HPCAL1: variants seen among roughly 807,000 people sequenced by gnomAD.
HPCAL1 encodes hippocalcin-like protein 1.
In HPCAL1, 8 loss-of-function variants were observed where a neutral mutation model predicts 17.1. That is an observed-to-expected ratio of 0.47 (90% confidence interval 0.27 to 0.84). The LOEUF is 0.84. HPCAL1 is among the 40% of genes least tolerant of loss of function. The probability of loss-of-function intolerance (pLI) is 0.13; values close to 1 mark genes in which losing one functional copy is unlikely to be tolerated. For synonymous variants in HPCAL1, 112 were observed against 111.4 expected (o/e 1.01, Z -0.03); for missense variants, 165 against 271.1 (o/e 0.61, Z 2.75).
intron 3 of HPCAL1, among the ~76,000 whole-genome samples, chr2:10,422,537 G>A (rs535527381): frequency 9.8e-5 from 15 of 152,288 alleles, no homozygotes; most frequent in African/African-American, 2.4e-4. Context: ...CTGTCCTGTC[G>A]GGGCTGGTGA....
chr2:10,425,074 T>A (rs1671319502), intron 4 of HPCAL1: 1 of 173,984 alleles, frequency 5.7e-6, no homozygotes, highest in Non-Finnish European at 1.2e-5. Context: ...GCCCTCAGAG[T>A]CGTCCTGGGG....
intron 1 of HPCAL1, among the ~76,000 whole-genome samples, chr2:10,314,874 G>A (rs1314693525): frequency 6.6e-6 from 1 of 152,046 alleles, no homozygotes; most frequent in Non-Finnish European, 1.5e-5. Flanking sequence ...GCACATTAGC[G>A]GTAATAAGAT....
intron 1 of HPCAL1, among the ~76,000 whole-genome samples, chr2:10,347,117 C>T (rs955446222): frequency 3.9e-5 from 6 of 152,162 alleles, no homozygotes; most frequent in Non-Finnish European, 7.4e-5. Flanking sequence ...CCCCGCCCCC[C>T]GCAGGTGCTG....
At chr2:10,415,603 C>T (rs906831436) in intron 2 of HPCAL1, among the ~76,000 whole-genome samples, 2 of 152,074 alleles carry the variant, frequency 1.3e-5, no homozygotes, top group Non-Finnish European at 2.9e-5. Context: ...CCCTCTGACA[C>T]ACAGGAAGTT....
intron 2 of HPCAL1, among the ~76,000 whole-genome samples, chr2:10,401,525 C>T (rs917598114): frequency 3.3e-5 from 5 of 151,880 alleles, no homozygotes; most frequent in South Asian, 4.2e-4. Context: ...CAGACAGTGC[C>T]GCGGTGGCCG....
chr2:10,348,684 T>G (rs1436098593), intron 1 of HPCAL1, among the ~76,000 whole-genome samples: 1 of 150,566 alleles, frequency 6.6e-6, no homozygotes, highest in Non-Finnish European at 1.5e-5. Flanking sequence ...GAGGCTGAGG[T>G]GGGAAGATCA....
At chr2:10,399,434 C>T (rs1669383245) in intron 2 of HPCAL1, among the ~76,000 whole-genome samples, 2 of 139,550 alleles carry the variant, frequency 1.4e-5, no homozygotes, top group African/African-American at 2.7e-5. Flanking sequence ...TCACCACCAC[C>T]ACCACCATCA....
intron 1 of HPCAL1, among the ~76,000 whole-genome samples, chr2:10,337,157 AC>A (rs770624868): frequency 1.6e-4 from 25 of 152,210 alleles, no homozygotes; most frequent in Non-Finnish European, 1.0e-4. Context: ...CTGGGGCCCA[AC>A]CAGTGTTGGC....
intron 2 of HPCAL1, among the ~76,000 whole-genome samples, chr2:10,410,128 C>G (rs1417075015): frequency 6.6e-6 from 1 of 152,146 alleles, no homozygotes; most frequent in Non-Finnish European, 1.5e-5. Flanking sequence ...TTTCCCACCT[C>G]TCTGGTCGCC....
intron 2 of HPCAL1, among the ~76,000 whole-genome samples, chr2:10,399,302 C>A (rs1572816493): frequency 7.6e-6 from 1 of 130,870 alleles, no homozygotes; most frequent in Non-Finnish European, 1.7e-5. Flanking sequence ...CCACCATCAC[C>A]ACCACCACCA....
intron 1 of HPCAL1, among the ~76,000 whole-genome samples, chr2:10,307,204 A>G (rs183650869): frequency 3.3e-5 from 5 of 152,302 alleles, no homozygotes; most frequent in East Asian, 1.9e-4. Context: ...TACTGCATGG[A>G]TAAGGTTGCT....
intron 1 of HPCAL1, among the ~76,000 whole-genome samples, chr2:10,386,357 C>T (rs1009534676): frequency 2.6e-5 from 4 of 152,224 alleles, no homozygotes; most frequent in Non-Finnish European, 5.9e-5. Flanking sequence ...TGCCTACTCG[C>T]TGACTCATTC....
In HPCAL1 at chr2:10,409,942, C is replaced by T. The variant is rs377126576; in HGVS notation, c.-24-9792C>T. 2.0e-4 allele frequency among the ~76,000 whole-genome samples: 30 copies of T among 152,154 alleles called. 1 individual carries two copies. In the East Asian group the frequency reaches 2.3e-3, roughly 12 times the overall value. On this transcript the variant is annotated intron_variant, in intron 2 of 4. Transcript: ENST00000307845. ...GTAGCTGGGACTACCAGGTGCGTGC[C>T]ACCGCACCCAGCTAATTTTTTATAT...
chr2:10,326,467 G>GCTGCTC (rs1664025205), intron 1 of HPCAL1, among the ~76,000 whole-genome samples: 1 of 152,240 alleles, frequency 6.6e-6, no homozygotes, highest in Non-Finnish European at 1.5e-5. Context: ...GTGGGGGCAG[G>GCTGCTC]CAGTGTTGGC....
chr2:10,378,618 C>G (rs1175871154), intron 1 of HPCAL1, among the ~76,000 whole-genome samples: 1 of 152,172 alleles, frequency 6.6e-6, no homozygotes, highest in Non-Finnish European at 1.5e-5. Flanking sequence ...GCCTCACTCT[C>G]CTGACCTCAC....
intron 2 of HPCAL1, among the ~76,000 whole-genome samples, chr2:10,398,349 C>T (rs1005440565): frequency 6.6e-6 from 1 of 152,202 alleles, no homozygotes; most frequent in Non-Finnish European, 1.5e-5. Flanking sequence ...TTTTCTTGGC[C>T]CTAGACACGG....
intron 2 of HPCAL1, among the ~76,000 whole-genome samples, chr2:10,411,278 TG>T (rs1670336433): frequency 6.6e-6 from 1 of 152,080 alleles, no homozygotes; most frequent in Non-Finnish European, 1.5e-5. Context: ...TACAGGACAA[TG>T]GGAAGGAGGT....
At chr2:10,307,310 T>A (rs762366256) in intron 1 of HPCAL1, among the ~76,000 whole-genome samples, 4 of 152,234 alleles carry the variant, frequency 2.6e-5, no homozygotes, top group Non-Finnish European at 5.9e-5. Context: ...TTGCCCTAGC[T>A]TAAATCTTTC....
At chr2:10,397,053 G>T (rs1669093432) in intron 2 of HPCAL1, 133 bp downstream of exon 2, 1 of 152,322 alleles carries the variant, frequency 6.6e-6, no homozygotes, top group South Asian at 2.1e-4. Context: ...GAGCAGGGAA[G>T]ACTGGGCGTG....
Sources: gnomAD v4.1 joint callset for allele counts (sites outside exome capture counted in the v4.1 genomes callset) on GRCh38, gnomAD v4.1.1 for gene constraint, MANE v1.5 for transcripts, NCBI Gene and HGNC (gene_info 2026-07-23, HGNC 2026-07-21) for gene names.